TMEM245: variants seen among roughly 807,000 people sequenced by gnomAD.
The protein encoded by TMEM245 is protein CG-2.
TMEM245 carries 69 observed loss-of-function variants against 101.2 expected under a neutral mutation model. That is an observed-to-expected ratio of 0.68 (90% CI 0.56 to 0.83). TMEM245 has a LOEUF of 0.83. Among genes scored for constraint, TMEM245 ranks in the 40% least tolerant of loss-of-function variants. The pLI, the probability that TMEM245 is intolerant of heterozygous loss-of-function variation, is 0.00. For missense variants in TMEM245, 1,075 were observed against 1,092.8 expected, an observed-to-expected ratio of 0.98 and a Z score of 0.23; for synonymous variants, 537 against 449.8, an observed-to-expected ratio of 1.19 and a Z score of -2.45.
At chr9:109,053,389 T>C (rs144916888) in intron 12 of TMEM245, among the ~76,000 whole-genome samples, 64 of 152,220 alleles carry the variant, frequency 4.2e-4, no homozygotes, top group Non-Finnish European at 8.2e-4. Flanking sequence ...ATCGTGCCAC[T>C]GTACTCCAGA....
At chr9:109,045,039 C>T (rs758335075) in intron 14 of TMEM245, among the ~76,000 whole-genome samples, 1 of 152,122 alleles carries the variant, frequency 6.6e-6, no homozygotes, top group Admixed American at 6.6e-5. Context: ...GGATTTGAGG[C>T]GTGAGCCACC....
rs369779708 is a variant in TMEM245, at chr9:109,057,218, A to G, written c.1827T>C (p.Val609=). Residue 609 remains valine, a synonymous_variant, in exon 12 of 18, where the codon GTT becomes GTC. Transcript: ENST00000374586. The part of the protein sequence containing the change: ...ILDWQDIVSF[V]HENIETFLSI... ...AAAGAAATGTCTCAATGTTCTCGTGAACAAAGGAAACAATATCCTGCCAGT... is the reference window on the plus strand; with the variant it reads ...AAAGAAATGTCTCAATGTTCTCGTGGACAAAGGAAACAATATCCTGCCAGT... 2 of 1,613,884 alleles carry G rather than the reference A, an allele frequency of 1.2e-6. No homozygotes were observed. Among genetic ancestry groups the G allele is most frequent in the African/African-American group, 2.7e-5 (2 of 74,924 alleles).
At chr9:109,026,534 T>C (rs902475670) in intron 17 of TMEM245, among the ~76,000 whole-genome samples, 1 of 150,624 alleles carries the variant, frequency 6.6e-6, no homozygotes, top group African/African-American at 2.4e-5. Context: ...TGAGGCCTGA[T>C]GGAAAGCCAG....
At chr9:109,042,173 AT>A (rs1828331941) in intron 14 of TMEM245, among the ~76,000 whole-genome samples, 1 of 152,160 alleles carries the variant, frequency 6.6e-6, no homozygotes, top group African/African-American at 2.4e-5. Context: ...ACTTTCCGGT[AT>A]GCTACCTGCA....
chr9:109,098,818 C>T (rs908250207), intron 3 of TMEM245, among the ~76,000 whole-genome samples: 4 of 152,146 alleles, frequency 2.6e-5, no homozygotes, highest in African/African-American at 9.7e-5. Context: ...TAACAGGGAT[C>T]TACACAAATC....
chr9:109,027,411 G>C (rs1420881855), intron 17 of TMEM245, among the ~76,000 whole-genome samples: 1 of 152,124 alleles, frequency 6.6e-6, no homozygotes, highest in Non-Finnish European at 1.5e-5. Context: ...AAATGAGGGT[G>C]GGCATCCATC....
At chr9:109,080,971 T>C in intron 7 of TMEM245, 28 bp from the exon 8 acceptor site, 2 of 1,411,758 alleles carry the variant, frequency 1.4e-6, no homozygotes, top group Non-Finnish European at 2.0e-6. Context: ...AGAGAATTAC[T>C]TATCTTTAAA....
chr9:109,068,366 T>A (rs1220244732), intron 9 of TMEM245, among the ~76,000 whole-genome samples: 4 of 88,530 alleles, frequency 4.5e-5, no homozygotes, highest in African/African-American at 1.8e-4. Flanking sequence ...CAAGACACCA[T>A]CTCAAAAAAA....
intron 12 of TMEM245, 149 bp from the exon 13 acceptor site, chr9:109,050,841 AAG>A: frequency 2.1e-6 from 2 of 933,556 alleles, no homozygotes; most frequent in Non-Finnish European, 3.1e-6. Context: ...TAAAAAAAAA[AAG>A]AAAAATCAAC....
In TMEM245 at chr9:109,018,900, ATTTTTTTTTTTT is replaced by A. The variant is rs34086900; in HGVS notation, c.*1548_*1559del. The A allele has an allele frequency of 5.3e-4, 42 of 79,902 alleles. No individual in the cohort carries two copies. The highest frequency in any genetic ancestry group is 2.1e-3 in the African/African-American group (37 of 17,956). The allele number at this position is 79,902 out of a possible 1,614,324, so 4.9% of individuals were successfully genotyped here. A position where few individuals can be genotyped will look rare whatever the true frequency, so the allele number is the denominator to read the frequency against. On this transcript the variant is annotated 3_prime_UTR_variant, in exon 18 of 18. Transcript: ENST00000374586. ...ATAGCCACACCACCGTGCCCAGCTAATTTTTTTTTTTTTTTTTTTTTTTTTGTAGAGATGGGG... is the reference window on the plus strand; with the variant it reads ...ATAGCCACACCACCGTGCCCAGCTAATTTTTTTTTTTTTGTAGAGATGGGG...
At chr9:109,118,498 C>T (rs1830789784) in intron 1 of TMEM245, among the ~76,000 whole-genome samples, 2 of 152,202 alleles carry the variant, frequency 1.3e-5, no homozygotes, top group Non-Finnish European at 2.9e-5. Flanking sequence ...ACAATATAGT[C>T]TGAGTTAGGA....
chr9:109,041,017 T>C (rs538118692), intron 14 of TMEM245, among the ~76,000 whole-genome samples: 1 of 152,328 alleles, frequency 6.6e-6, no homozygotes, highest in East Asian at 1.9e-4. Context: ...TTAGCTTTAA[T>C]CTCTCAATTC....
rs1827407115 is a variant in TMEM245, at chr9:109,015,392, T to C, written c.*5068A>G. 6.6e-6 allele frequency: 1 copy of C among 152,168 alleles called. No homozygotes were observed. The highest frequency in any genetic ancestry group is 2.4e-5 in the African/African-American group (1 of 41,444). 9.4% of individuals were successfully genotyped at this position (152,168 alleles called of 1,614,324 possible). A position where few individuals can be genotyped will look rare whatever the true frequency, so the allele number is the denominator to read the frequency against. On this transcript the variant is annotated 3_prime_UTR_variant, in exon 18 of 18. Transcript: ENST00000374586. ...TTACAACTCTATATCAAATCTTAGTTCAAAATCAAATTGTACTGGAAATAC... is the reference window on the plus strand; with the variant it reads ...TTACAACTCTATATCAAATCTTAGTCCAAAATCAAATTGTACTGGAAATAC...
At chr9:109,108,430 A>AAAG (rs1830483450) in intron 2 of TMEM245, 23 bp downstream of exon 2, 1 of 1,387,416 alleles carries the variant, frequency 7.2e-7, no homozygotes, top group South Asian at 1.4e-5. Context: ...TAAAAAAAAA[A>AAAG]AAAAAAAAAA....
In TMEM245 at chr9:109,101,576, G is replaced by T. The variant is rs770126599; in HGVS notation, c.799+4932C>A. 1.2e-4 allele frequency among the ~76,000 whole-genome samples: 19 copies of T among 152,120 alleles called. 1 individual carries two copies. Among genetic ancestry groups the T allele is most frequent in the Non-Finnish European group, 1.0e-4 (7 of 68,022 alleles). On this transcript the variant is annotated intron_variant, in intron 3 of 17. Transcript: ENST00000374586. ...CTTAAAAGATTTATTTTATGATGAG[G>T]ATTATTTAGACTAGAAGTCCAGAAA...
At position 109,069,878 on chromosome 9, in the gene TMEM245, C is replaced by T. The variant is rs867384582; in HGVS notation, c.1532+3478G>A. 2.0e-5 allele frequency among the ~76,000 whole-genome samples: 3 copies of T among 152,204 alleles called. No homozygotes were observed. The South Asian group carries it at 6.2e-4, about 31-fold the overall frequency. ...CAATAATTTCTCATCACACTGCAATCTAATGGGCTTCTGCTACACCAATTA... is the reference window on the plus strand; with the variant it reads ...CAATAATTTCTCATCACACTGCAATTTAATGGGCTTCTGCTACACCAATTA... On this transcript the variant is annotated intron_variant, in intron 9 of 17. Coordinates refer to ENST00000374586, the MANE Select transcript of TMEM245 (RefSeq NM_032012.4).
intron 1 of TMEM245, among the ~76,000 whole-genome samples, chr9:109,111,406 C>A (rs991089024): frequency 6.6e-6 from 1 of 152,096 alleles, no homozygotes; most frequent in Admixed American, 6.5e-5. Context: ...TGTTTCTTAT[C>A]TGTATGCATA....
intron 9 of TMEM245, among the ~76,000 whole-genome samples, chr9:109,069,658 A>C (rs1171824530): frequency 6.6e-6 from 1 of 152,116 alleles, no homozygotes; most frequent in Non-Finnish European, 1.5e-5. Flanking sequence ...CCTCAGAGAA[A>C]TGCACTAAGA....
chr9:109,020,184 G>T lies in TMEM245; in HGVS notation c.*276C>A, dbSNP rs976244413. 2.5e-5 allele frequency: 10 copies of T among 407,284 alleles called. No individual in the cohort carries two copies. The highest frequency in any genetic ancestry group is 8.1e-5 in the African/African-American group (4 of 49,252). The allele number at this position is 407,284 out of a possible 1,614,324, so 25.2% of individuals were successfully genotyped here. A position where few individuals can be genotyped will look rare whatever the true frequency, so the allele number is the denominator to read the frequency against. ...CCAAAGTGGAAAAATTTCAAGCCAG[G>T]GTACCAGTGTATAAAATGAAACTTT... On this transcript the variant is annotated 3_prime_UTR_variant, in exon 18 of 18. Transcript: ENST00000374586.
Sources: allele counts gnomAD v4.1 joint callset (sites outside exome capture counted in the v4.1 genomes callset), GRCh38; gene constraint gnomAD v4.1.1; transcripts MANE v1.5; gene names NCBI Gene and HGNC (gene_info 2026-07-23, HGNC 2026-07-21).